ANG: variants seen among roughly 807,000 people sequenced by gnomAD.
ANG encodes Homo sapiens epididymis luminal protein 168.
For missense variants in ANG, 178 were observed against 187.4 expected, an observed-to-expected ratio of 0.95 and a Z score of 0.29; for synonymous variants, 74 against 73.8, an observed-to-expected ratio of 1.00 and a Z score of -0.02.
chr14:20,691,628 G>A (rs1471503866), intron 1 of ANG, among the ~76,000 whole-genome samples: 1 of 152,202 alleles, frequency 6.6e-6, no homozygotes, highest in Non-Finnish European at 1.5e-5. Context: ...GACTTTTAGA[G>A]ATAGCAACTC....
chr14:20,685,072 A>G (rs1426092278), upstream of ANG, among the ~76,000 whole-genome samples: 2 of 152,162 alleles, frequency 1.3e-5, no homozygotes, highest in East Asian at 3.9e-4. Context: ...ACTTGCCCAC[A>G]ACTAAGAAAG....
intron 1 of ANG, among the ~76,000 whole-genome samples, chr14:20,690,310 C>A (rs1227544171): frequency 6.7e-6 from 1 of 148,996 alleles, no homozygotes; most frequent in East Asian, 2.0e-4. Context: ...AAAAAGCTGA[C>A]AGACAGTTAC....
chr14:20,685,883 T>C (rs1250269628), upstream of ANG, among the ~76,000 whole-genome samples: 1 of 151,636 alleles, frequency 6.6e-6, no homozygotes, highest in African/African-American at 2.4e-5. Flanking sequence ...CTACTAAAAA[T>C]ACAAAAATTA....
Position 20,688,768 on chromosome 14 carries a change from AG to A in ANG, c.-123del. 1.0e-6 allele frequency: 1 copy of A among 984,974 alleles called. No homozygotes were observed. Among genetic ancestry groups the A allele is most frequent in the East Asian group, 1.1e-4 (1 of 8,806 alleles). 61.0% of individuals were successfully genotyped at this position (984,974 alleles called of 1,614,324 possible). ...AACACTATATAATCAGAACCTGGAGAGGCCTCCAGGTTCACACAACTGGAAC... is the reference window on the plus strand; with the variant it reads ...AACACTATATAATCAGAACCTGGAGAGCCTCCAGGTTCACACAACTGGAAC... On this transcript the variant is annotated 5_prime_UTR_variant, in exon 1 of 2. Transcript: ENST00000397990.
chr14:20,684,740 G>A (rs762349010), upstream of ANG: 5 of 152,656 alleles, frequency 3.3e-5, no homozygotes, highest in Admixed American at 6.5e-5. Flanking sequence ...CGTTTCTGCG[G>A]ACTTGTTCTG....
rs924265275 is a variant in ANG at position 20,693,791 on chromosome 14, G to A, written c.227G>A (p.Ser76Asn). ...ACATTTATTCATGGCAACAAGCGCA[G>A]CATCAAGGCCATCTGTGAAAACAAG... ...INTFIHGNKRSIKAICENKNG... is the reference protein window; with the variant it reads ...INTFIHGNKRNIKAICENKNG... Residue 76 changes from serine (S) to asparagine (N), a missense_variant, in exon 2 of 2, where the codon AGC becomes AAC. Physicochemically the swap from Ser to Asn is conservative, Grantham distance 46 (BLOSUM62 1). Transcript: ENST00000397990. 5.6e-6 allele frequency: 9 copies of A among 1,614,084 alleles called. No homozygotes were observed. Among genetic ancestry groups the A allele is most frequent in the Non-Finnish European group, 7.6e-6 (9 of 1,180,034 alleles).
At chr14:20,690,097 C>T (rs1290464116) in intron 1 of ANG, among the ~76,000 whole-genome samples, 18 of 147,772 alleles carry the variant, frequency 1.2e-4, no homozygotes, top group Non-Finnish European at 1.9e-4. Flanking sequence ...CGCCTGTAGT[C>T]CCAGCTACTC....
chr14:20,689,021 A>C, intron 1 of ANG, 147 bp downstream of exon 1: 1 of 316,112 alleles, frequency 3.2e-6, no homozygotes, highest in Non-Finnish European at 4.6e-6. Context: ...AAATGAAAAC[A>C]GGTTTCTTTT....
rs1203260028 is a variant in ANG, at chr14:20,693,783, C to T, written c.219C>T (p.Asn73=). ...ACATCAACACATTTATTCATGGCAA[C>T]AAGCGCAGCATCAAGGCCATCTGTG... is the stretch of plus-strand genomic sequence containing the variant. ...CKDINTFIHG[N]KRSIKAICEN... Residue 73 remains asparagine, a synonymous_variant, in exon 2 of 2, where the codon AAC becomes AAT. Transcript: ENST00000397990. The T allele has an allele frequency of 6.2e-7, 1 of 1,614,192 alleles. No individual in the cohort carries two copies. Among genetic ancestry groups the T allele is most frequent in the East Asian group, 2.2e-5 (1 of 44,890 alleles).
intron 1 of ANG, among the ~76,000 whole-genome samples, chr14:20,693,071 T>C (rs936193989): frequency 2.0e-5 from 3 of 151,854 alleles, no homozygotes; most frequent in African/African-American, 7.3e-5. Context: ...ATGGTCTCGA[T>C]CTCCTGACCT....
At chr14:20,685,745 T>C (rs1034628768), upstream of ANG, among the ~76,000 whole-genome samples, 1 of 152,144 alleles carries the variant, frequency 6.6e-6, no homozygotes, top group Non-Finnish European at 1.5e-5. Flanking sequence ...TAGTATGGAA[T>C]ATAAAAGTTG....
upstream of ANG, among the ~76,000 whole-genome samples, chr14:20,686,636 G>A (rs1272687728): frequency 2.6e-5 from 4 of 152,220 alleles, no homozygotes; most frequent in African/African-American, 9.6e-5. Context: ...TTTAATTTTT[G>A]TCTTTGTTTG....
chr14:20,686,990 GGA>G (rs1167482661), upstream of ANG, among the ~76,000 whole-genome samples: 11 of 152,204 alleles, frequency 7.2e-5, no homozygotes, highest in South Asian at 4.2e-4. Context: ...TTGGCTTGAG[GGA>G]GAGAGAGAAA....
upstream of ANG, among the ~76,000 whole-genome samples, chr14:20,687,696 G>A (rs879873740): frequency 1.3e-5 from 2 of 152,224 alleles, no homozygotes; most frequent in African/African-American, 4.8e-5. Context: ...CAGTCCTGGT[G>A]TTGGTTGAAT....
rs58958050 is a variant in ANG, at chr14:20,689,915, CAAAAAAA to C, written c.-19+1051_-19+1057del. On this transcript the variant is annotated intron_variant, in intron 1 of 1. Transcript: ENST00000397990. ...TGGGCGATAGAACAAGACTCTGTCT[CAAAAAAA>C]AAAAAAAAACAGGCCGGGCGCGGTG... Among the ~76,000 whole-genome samples the C allele has an allele frequency of 1.2e-4, 14 of 121,550 alleles. 1 individual carries two copies. In the South Asian group the frequency reaches 3.6e-3, roughly 32 times the overall value. 79.7% of individuals were successfully genotyped at this position (121,550 alleles called of 152,430 possible).
At chr14:20,691,193 A>G (rs1486024859) in intron 1 of ANG, among the ~76,000 whole-genome samples, 1 of 152,216 alleles carries the variant, frequency 6.6e-6, no homozygotes, top group Admixed American at 6.5e-5. Flanking sequence ...CATTAGTAAC[A>G]TTCCTATCCA....
intron 1 of ANG, among the ~76,000 whole-genome samples, chr14:20,689,561 G>T (rs1350688968): frequency 6.6e-6 from 1 of 152,146 alleles, no homozygotes; most frequent in Admixed American, 6.5e-5. Flanking sequence ...GTGGGGAGAG[G>T]GAGAGAATAA....
chr14:20,694,035 C>T lies in ANG; in HGVS notation c.*27C>T. The stretch of plus-strand genomic sequence containing the variant: ...CAGCGGGCCCCTGGTCAAGTGCTGG[C>T]TCTGCTGTCCTTGCCTTCCATTTCC... On this transcript the variant is annotated 3_prime_UTR_variant, in exon 2 of 2. Coordinates refer to ENST00000397990, the MANE Select transcript of ANG (RefSeq NM_001097577.3). 6.2e-7 allele frequency: 1 copy of T among 1,612,688 alleles called. No homozygotes were observed. The highest frequency in any genetic ancestry group is 1.7e-5 in the Admixed American group (1 of 60,016).
Position 20,692,959 on chromosome 14 carries a change from T to C in ANG, c.-18-588T>C, listed in dbSNP as rs1439147616. On this transcript the variant is annotated intron_variant, in intron 1 of 1. Transcript: ENST00000397990. ...GCCTCCCGGGTTCACGCCATTCTCC[T>C]GCCTCAGCCTCCCGAGTAGCTGGGA... 2.6e-5 allele frequency among the ~76,000 whole-genome samples: 4 copies of C among 152,030 alleles called. No individual in the cohort carries two copies. In the South Asian group the frequency reaches 6.2e-4, roughly 24 times the overall value.
Sources: gnomAD v4.1 joint callset for allele counts (sites outside exome capture counted in the v4.1 genomes callset) on GRCh38, gnomAD v4.1.1 for gene constraint, MANE v1.5 for transcripts, NCBI Gene and HGNC (gene_info 2026-07-23, HGNC 2026-07-21) for gene names.